Variants in F11R observed in about 807,000 individuals in gnomAD.
F11R encodes the protein junctional adhesion molecule A.
A neutral mutation model predicts 39.3 loss-of-function variants in F11R; 27 were observed. That is an observed-to-expected ratio of 0.69 (90% confidence interval 0.51 to 0.95). The LOEUF is 0.95. Ranked by LOEUF, F11R falls within the 40% of genes least tolerant of loss-of-function variation. F11R has a pLI of 0.00. For missense variants in F11R, 335 were observed against 372.7 expected (o/e 0.90, Z 0.83); for synonymous variants, 131 against 144.9 (o/e 0.90, Z 0.69).
intron 1 of F11R, among the ~76,000 whole-genome samples, chr1:161,016,848 A>G (rs1040498233): frequency 6.6e-6 from 1 of 152,182 alleles, no homozygotes; most frequent in Non-Finnish European, 1.5e-5. Context: ...GGGGAAAAGC[A>G]AGAGAGATCA....
chr1:161,010,999 C>A (rs1034422126), intron 1 of F11R, among the ~76,000 whole-genome samples: 1 of 130,246 alleles, frequency 7.7e-6, no homozygotes, highest in South Asian at 2.4e-4. Flanking sequence ...AAAAAAAATT[C>A]ATGTACAAGA....
rs1193953420 is a variant in F11R, at chr1:161,019,302, AAAGG to A, written c.64+1704_64+1707del. 2.0e-5 allele frequency among the ~76,000 whole-genome samples: 3 copies of A among 152,116 alleles called. No individual in the cohort carries two copies. The East Asian group carries it at 5.8e-4, about 29-fold the overall frequency. ...AAAAGGGAACTCAAAGAGTAGAAAA[AAAGG>A]AAGACATGGCCAGCCGCGGTGGCTC... On this transcript the variant is annotated intron_variant, in intron 1 of 9. Coordinates refer to ENST00000368026, the MANE Select transcript of F11R (RefSeq NM_016946.6).
intron 1 of F11R, among the ~76,000 whole-genome samples, chr1:161,015,325 G>A (rs556006084): frequency 5.3e-5 from 8 of 150,300 alleles, no homozygotes; most frequent in South Asian, 2.1e-4. Context: ...GTGAACCCGC[G>A]AGGCGGAGCT....
chr1:161,012,995 C>T (rs1649258206), intron 1 of F11R, among the ~76,000 whole-genome samples: 1 of 152,086 alleles, frequency 6.6e-6, no homozygotes, highest in Non-Finnish European at 1.5e-5. Context: ...AGATGAATTA[C>T]ATGTCGTCGG....
chr1:161,008,602 T>C (rs1217806646), intron 1 of F11R, among the ~76,000 whole-genome samples: 3 of 152,214 alleles, frequency 2.0e-5, no homozygotes, highest in Admixed American at 2.0e-4. Context: ...AAGCATATTA[T>C]ATGTAATATC....
At chr1:161,005,880 T>C (rs1571012931) in intron 1 of F11R, among the ~76,000 whole-genome samples, 3 of 152,166 alleles carry the variant, frequency 2.0e-5, no homozygotes, top group African/African-American at 7.2e-5. Flanking sequence ...CTCAACAGCC[T>C]GTAATCCCAG....
intron 1 of F11R, among the ~76,000 whole-genome samples, chr1:161,018,199 G>T (rs111666775): frequency 4.7e-4 from 71 of 152,276 alleles, no homozygotes; most frequent in Admixed American, 4.6e-4. Context: ...CTACCCTCTG[G>T]ATCTCTGCCC....
In F11R at chr1:161,011,953, C is replaced by T. The variant is rs973750823; in HGVS notation, c.64+9057G>A. Reference sequence around the variant, plus strand: ...AAGCTTATATCTTTAAAAAGTTACTCTCTTCTCGTCTATGCTCCTAAAACA... The same window carrying T: ...AAGCTTATATCTTTAAAAAGTTACTTTCTTCTCGTCTATGCTCCTAAAACA... On this transcript the variant is annotated intron_variant, in intron 1 of 9. Coordinates refer to ENST00000368026, the MANE Select transcript of F11R (RefSeq NM_016946.6). 7.2e-5 allele frequency among the ~76,000 whole-genome samples: 11 copies of T among 152,052 alleles called. 2 individuals carry two copies. Among genetic ancestry groups the T allele is most frequent in the Admixed American group, 7.2e-4 (11 of 15,244 alleles).
At chr1:161,019,260 A>G (rs1383168946) in intron 1 of F11R, among the ~76,000 whole-genome samples, 1 of 152,098 alleles carries the variant, frequency 6.6e-6, no homozygotes, top group East Asian at 1.9e-4. Context: ...GGGGTAGGGA[A>G]AAAAGGGAAA....
chr1:161,002,261 C>CAAAA (rs34007325), intron 1 of F11R, among the ~76,000 whole-genome samples: 29 of 68,550 alleles, frequency 4.2e-4, no homozygotes, highest in South Asian at 5.4e-4. Context: ...GACTCAATCT[C>CAAAA]AAAAAAAAAA....
At chr1:161,004,793 TA>T (rs1648704946) in intron 1 of F11R, among the ~76,000 whole-genome samples, 1 of 152,014 alleles carries the variant, frequency 6.6e-6, no homozygotes, top group Non-Finnish European at 1.5e-5. Flanking sequence ...CTAATAAAAA[TA>T]TTTCTAATGA....
In F11R at chr1:161,001,085, C is replaced by T. The variant is rs550163453; in HGVS notation, c.176G>A (p.Arg59His). The change falls in exon 3 of 10, where the codon CGT (arginine) becomes CAT (histidine). Residue 59 changes from arginine to histidine, a missense_variant. Transcript: ENST00000368026. Reference protein sequence around the residue: ...SCAYSGFSSPRVEWKFDQGDT... With the variant: ...SCAYSGFSSPHVEWKFDQGDT... The stretch of plus-strand genomic sequence containing the variant: ...TCCTTGGTCAAACTTCCACTCCACA[C>T]GGGGAGAAGAAAAGCCCGAGTAGGC... The T allele has an allele frequency of 3.9e-5, 63 of 1,614,066 alleles. No homozygotes were observed. The highest frequency in any genetic ancestry group is 2.3e-4 in the South Asian group (21 of 91,078).
Position 160,999,705 on chromosome 1 carries a change from G to A in F11R, c.737C>T (p.Thr246Ile). ...AACCAAGATTCCCAGGAGAATCAGG[G>A]TTACAAGGACGGCTGCCACGATGAC... Reference protein sequence around the residue: ...VGVIVAAVLVTLILLGILVFG... With the variant: ...VGVIVAAVLVILILLGILVFG... The change falls in exon 7 of 10, where the codon ACC becomes ATC. Residue 246 changes from threonine (T) to isoleucine (I), a missense_variant. Coordinates refer to ENST00000368026, the MANE Select transcript of F11R (RefSeq NM_016946.6). 1 of 1,614,146 alleles carries A rather than the reference G, an allele frequency of 6.2e-7. No individual in the cohort carries two copies. The highest frequency in any genetic ancestry group is 1.1e-5 in the South Asian group (1 of 91,086).
At position 160,998,739 on chromosome 1, in the gene F11R, C is replaced by T. The variant is rs979223458; in HGVS notation, c.*132G>A. ...TAGCTGACATTATTAAAAACACATC[C>T]GAAGAAGTAGGGGGCCCTGTGGGGT... On this transcript the variant is annotated 3_prime_UTR_variant, in exon 10 of 10. Transcript: ENST00000368026. 40 of 816,852 alleles carry T rather than the reference C, an allele frequency of 4.9e-5. No homozygotes were observed. The highest frequency in any genetic ancestry group is 2.3e-4 in the South Asian group (15 of 64,304). The allele number at this position is 816,852 out of a possible 1,614,324, so 50.6% of individuals were successfully genotyped here.
chr1:161,018,057 C>G (rs2251597), intron 1 of F11R, among the ~76,000 whole-genome samples: 36,923 of 152,184 alleles, frequency 0.24, 4,702 homozygotes, highest in Middle Eastern at 0.29. Flanking sequence ...CCTATCCACA[C>G]TCACCTCTAC....
chr1:161,017,787 G>C (rs1649545862), intron 1 of F11R, among the ~76,000 whole-genome samples: 2 of 152,112 alleles, frequency 1.3e-5, no homozygotes, highest in Non-Finnish European at 1.5e-5. Context: ...AGGTGTGGAG[G>C]GGCAACCCAC....
intron 7 of F11R, 53 bp from the exon 8 acceptor site, chr1:160,999,461 G>C: frequency 4.3e-6 from 7 of 1,613,600 alleles, no homozygotes; most frequent in Non-Finnish European, 5.9e-6. Context: ...AGACAGCATG[G>C]CTTGGGAAGA....
At chr1:161,009,316 C>T (rs1326480692) in intron 1 of F11R, among the ~76,000 whole-genome samples, 3 of 152,066 alleles carry the variant, frequency 2.0e-5, no homozygotes, top group African/African-American at 7.2e-5. Context: ...GCATGTCTCC[C>T]ATGGTAAACC....
intron 1 of F11R, among the ~76,000 whole-genome samples, chr1:161,004,804 A>T (rs1020134244): frequency 1.3e-5 from 2 of 152,100 alleles, no homozygotes; most frequent in Non-Finnish European, 2.9e-5. Context: ...ATTTCTAATG[A>T]TATTATTTTA....
Sources: gnomAD v4.1 joint callset for allele counts (sites outside exome capture counted in the v4.1 genomes callset) on GRCh38, gnomAD v4.1.1 for gene constraint, MANE v1.5 for transcripts, NCBI Gene and HGNC (gene_info 2026-07-23, HGNC 2026-07-21) for gene names.